AKTIP: variants seen among roughly 807,000 people sequenced by gnomAD.
The protein encoded by AKTIP is AKT interacting protein, also known as AKT-interacting protein.
In AKTIP, 16 loss-of-function variants were observed where a neutral mutation model predicts 39.1. The observed-to-expected ratio is 0.41, with a 90% confidence interval of 0.28 to 0.62. The LOEUF (loss-of-function observed/expected upper bound fraction) is 0.62. Among genes scored for constraint, AKTIP ranks in the 20% least tolerant of loss-of-function variants. The probability of loss-of-function intolerance (pLI) is 0.32; values close to 1 mark genes in which losing one functional copy is unlikely to be tolerated. For synonymous variants in AKTIP, 93 were observed against 124.3 expected, an observed-to-expected ratio of 0.75 and a Z score of 1.67; for missense variants, 262 against 356.6, an observed-to-expected ratio of 0.73 and a Z score of 2.14.
At chr16:53,502,109 A>T (rs1235898207) in intron 1 of AKTIP, among the ~76,000 whole-genome samples, 1 of 152,216 alleles carries the variant, frequency 6.6e-6, no homozygotes, top group Non-Finnish European at 1.5e-5. Flanking sequence ...CTAACGCGTT[A>T]GGATTCTCTT....
At chr16:53,498,088 T>C (rs1002482159) in intron 3 of AKTIP, among the ~76,000 whole-genome samples, 5 of 152,254 alleles carry the variant, frequency 3.3e-5, no homozygotes, top group African/African-American at 4.8e-5. Context: ...TTTCTTCCTT[T>C]TGTTACTCTC....
upstream of AKTIP, among the ~76,000 whole-genome samples, chr16:53,503,521 G>C (rs921932497): frequency 2.0e-5 from 3 of 152,220 alleles, no homozygotes; most frequent in Non-Finnish European, 4.4e-5. Context: ...CGGCCCCCCG[G>C]GGAGGGATGG....
chr16:53,492,545 T>C (rs376704919), intron 9 of AKTIP, 26 bp from the exon 10 acceptor site: 15 of 1,612,300 alleles, frequency 9.3e-6, no homozygotes, highest in East Asian at 2.2e-5. Context: ...AAAACAGATA[T>C]TTAAAAAATT....
At chr16:53,493,425 G>C (rs1037627309) in intron 8 of AKTIP, 1 of 153,018 alleles carries the variant, frequency 6.5e-6, no homozygotes, top group Non-Finnish European at 1.5e-5. Context: ...CCCCGCCTCG[G>C]CCTCCCAAAG....
intron 1 of AKTIP, chr16:53,501,048 G>A (rs753674218): frequency 2.6e-5 from 4 of 152,248 alleles, no homozygotes; most frequent in East Asian, 3.9e-4. Context: ...CTGTTCCCAG[G>A]GTTATGGGAA....
intron 2 of AKTIP, among the ~76,000 whole-genome samples, chr16:53,499,712 G>A (rs375910897): frequency 2.5e-4 from 38 of 151,970 alleles, no homozygotes; most frequent in African/African-American, 8.7e-4. Flanking sequence ...TGCCCGCCTC[G>A]GCCTCTCAAA....
rs140509020 is a variant in AKTIP at position 53,498,796 on chromosome 16, G to A, written c.43-200C>T. ...AACCTGAAGCAAGACCAAAGCATTAGAGAAACTCTTTCATATAGGGAAACT... is the reference window on the plus strand; with the variant it reads ...AACCTGAAGCAAGACCAAAGCATTAAAGAAACTCTTTCATATAGGGAAACT... On this transcript the variant is annotated intron_variant, in intron 2 of 9. Coordinates refer to ENST00000394657, the MANE Select transcript of AKTIP (RefSeq NM_022476.4). 6.6e-5 allele frequency among the ~76,000 whole-genome samples: 10 copies of A among 152,308 alleles called. No individual in the cohort carries two copies. The East Asian group carries it at 1.9e-3, about 29-fold the overall frequency.
In AKTIP at chr16:53,496,599, A is replaced by G. The variant is rs148290945; in HGVS notation, c.249-1273T>C. Among the ~76,000 whole-genome samples, 1,136 of 149,998 alleles carry G rather than the reference A, an allele frequency of 7.6e-3. 21 individuals are homozygous for G. The highest frequency in any genetic ancestry group is 0.027 in the African/African-American group (1,090 of 40,654). ...TAATCTCAGCCCTTTGGGAGGCGCC[A>G]AGGCAGGCAGATCACTTGAGGTCAG... is the stretch of plus-strand genomic sequence containing the variant. On this transcript the variant is annotated intron_variant, in intron 3 of 9. Coordinates refer to ENST00000394657, the MANE Select transcript of AKTIP (RefSeq NM_022476.4).
At chr16:53,500,575 A>G (rs570805511) in intron 1 of AKTIP, among the ~76,000 whole-genome samples, 1 of 152,106 alleles carries the variant, frequency 6.6e-6, no homozygotes, top group South Asian at 2.1e-4. Flanking sequence ...ACAGGGTTTC[A>G]CCATGTTGGC....
intron 8 of AKTIP, chr16:53,492,990 A>G: frequency 2.1e-6 from 1 of 470,524 alleles, no homozygotes. Flanking sequence ...TTTAAAGATT[A>G]AGACAGCAAA....
At chr16:53,503,596 T>C (rs1284804484), upstream of AKTIP, among the ~76,000 whole-genome samples, 2 of 152,152 alleles carry the variant, frequency 1.3e-5, no homozygotes, top group South Asian at 2.1e-4. Context: ...ACGGAGACCT[T>C]CCCGGAGGTT....
Position 53,497,895 on chromosome 16 carries a change from C to A in AKTIP, c.248+496G>T, listed in dbSNP as rs142196821. ...TCCCGAGTAGCTGGGATTACAGGCG[C>A]CTGCCATCAAACCTGGCTAATTTTT... On this transcript the variant is annotated intron_variant, in intron 3 of 9. Coordinates refer to ENST00000394657, the MANE Select transcript of AKTIP (RefSeq NM_022476.4). Among the ~76,000 whole-genome samples, 725 of 152,310 alleles carry A rather than the reference C, an allele frequency of 4.8e-3. 2 individuals are homozygous for A. Among genetic ancestry groups the A allele is most frequent in the African/African-American group, 0.017 (704 of 41,566 alleles).
In AKTIP at chr16:53,492,117, A is replaced by G. The variant is rs1567754583; in HGVS notation, c.*295T>C. On this transcript the variant is annotated 3_prime_UTR_variant, in exon 10 of 10. Transcript: ENST00000394657. The stretch of plus-strand genomic sequence containing the variant: ...CTGTCTGCTCTATTAGTTTAAATGA[A>G]TGCAACTTACCTTTAGCATTATATT... 3.4e-6 allele frequency: 1 copy of G among 297,072 alleles called. No individual in the cohort carries two copies. Among genetic ancestry groups the G allele is most frequent in the African/African-American group, 2.2e-5 (1 of 46,176 alleles). 18.4% of individuals were successfully genotyped at this position (297,072 alleles called of 1,614,324 possible).
intron 3 of AKTIP, among the ~76,000 whole-genome samples, chr16:53,495,532 G>GAAAC (rs1567757947): frequency 6.6e-6 from 1 of 152,188 alleles, no homozygotes; most frequent in African/African-American, 2.4e-5. Flanking sequence ...TGGCCTCATA[G>GAAAC]CAGCAGCTCA....
intron 1 of AKTIP, chr16:53,502,851 G>A (rs867970581): frequency 6.6e-6 from 1 of 152,228 alleles, no homozygotes; most frequent in African/African-American, 2.4e-5. Flanking sequence ...CGGCCGGGGA[G>A]GGCGGGCACG....
At chr16:53,498,825 C>A (rs921040087) in intron 2 of AKTIP, among the ~76,000 whole-genome samples, 1 of 152,116 alleles carries the variant, frequency 6.6e-6, no homozygotes, top group Non-Finnish European at 1.5e-5. Context: ...GGAAACTCAT[C>A]CTATAAGGAT....
At position 53,500,251 on chromosome 16, in the gene AKTIP, A is replaced by G; in HGVS notation, c.9T>C (p.Pro3=). 1 of 1,613,268 alleles carries G rather than the reference A, an allele frequency of 6.2e-7. No individual in the cohort carries two copies. Among genetic ancestry groups the G allele is most frequent in the Non-Finnish European group, 8.5e-7 (1 of 1,179,742 alleles). The change falls in exon 2 of 10, where the codon CCT becomes CCC. Residue 3 remains proline, a synonymous_variant. Coordinates refer to ENST00000394657, the MANE Select transcript of AKTIP (RefSeq NM_022476.4). The part of the protein sequence containing the change: MN[P]FWSMSTSSVR... ...CAGAGCTTGTAGACATGCTCCAGAAAGGGTTCATAACGTGTATTCCAAACA... is the reference window on the plus strand; with the variant it reads ...CAGAGCTTGTAGACATGCTCCAGAAGGGGTTCATAACGTGTATTCCAAACA...
In AKTIP at chr16:53,494,192, A is replaced by G. The variant is rs1193762457; in HGVS notation, c.656T>C (p.Val219Ala). ...TTGGTCAAACAAACGAGCAGTGCAC[A>G]CCTTAACACTGTCAACAACTTTACT... ...FKSKVVDSVK[V>A]CTARLFDQPK... is the part of the protein sequence containing the mutation. The change falls in exon 8 of 10, where the codon GTG becomes GCG. Residue 219 changes from valine (V) to alanine (A), a missense_variant. Physicochemically the swap from Val to Ala is moderately conservative, Grantham distance 64 (BLOSUM62 0). Coordinates refer to ENST00000394657, the MANE Select transcript of AKTIP (RefSeq NM_022476.4). The G allele has an allele frequency of 1.2e-6, 2 of 1,614,194 alleles. No homozygotes were observed. The highest frequency in any genetic ancestry group is 8.5e-7 in the Non-Finnish European group (1 of 1,180,050).
intron 2 of AKTIP, 89 bp downstream of exon 2, chr16:53,500,129 G>T: frequency 2.0e-6 from 2 of 985,862 alleles, no homozygotes; most frequent in Non-Finnish European, 3.1e-6. Flanking sequence ...ACAGGTGACC[G>T]TGACAGATTA....
Sources: allele counts gnomAD v4.1 joint callset (sites outside exome capture counted in the v4.1 genomes callset), GRCh38; gene constraint gnomAD v4.1.1; transcripts MANE v1.5; gene names NCBI Gene and HGNC (gene_info 2026-07-23, HGNC 2026-07-21).